Variants in C8orf88 observed in about 807,000 individuals in gnomAD.
C8orf88 encodes chromosome 8 open reading frame 88, also known as uncharacterized protein C8orf88.
Under a neutral mutation model 18.4 loss-of-function variants are expected in C8orf88, and 14 were observed. That is an observed-to-expected ratio of 0.76 (90% CI 0.50 to 1.19). The LOEUF (loss-of-function observed/expected upper bound fraction) is 1.19, where lower values mean the gene tolerates loss of function less well. Ranked by LOEUF, C8orf88 falls within the 50% of genes most tolerant of loss-of-function variation. The pLI, the probability that C8orf88 is intolerant of heterozygous loss-of-function variation, is 0.00. For missense variants in C8orf88, 116 were observed against 134.7 expected, an observed-to-expected ratio of 0.86 and a Z score of 0.69; for synonymous variants, 45 against 42.9, an observed-to-expected ratio of 1.05 and a Z score of -0.19.
At chr8:90,960,898 A>G in intron 4 of C8orf88, 50 bp from the exon 5 acceptor site, 3 of 1,093,070 alleles carry the variant, frequency 2.7e-6, no homozygotes, top group Non-Finnish European at 4.0e-6. Context: ...AGGGCTGTCT[A>G]GATCACTTTT....
At position 90,978,587 on chromosome 8, in the gene C8orf88, C is replaced by T; in HGVS notation, c.139G>A (p.Val47Ile). 6.6e-7 allele frequency: 1 copy of T among 1,524,460 alleles called. No individual in the cohort carries two copies. The highest frequency in any genetic ancestry group is 8.8e-7 in the Non-Finnish European group (1 of 1,140,038). The allele number at this position is 1,524,460 out of a possible 1,614,324, so 94.4% of individuals were successfully genotyped here. A position where few individuals can be genotyped will look rare whatever the true frequency, so the allele number is the denominator to read the frequency against. ...TAATTTCTAAGACTTACTCTGCTAA[C>T]TCCACTTTGTATGCACTGAGTGTTG... Reference protein sequence around the residue: ...PCNTQCIQSGVSRCKTNGMQA... With the variant: ...PCNTQCIQSGISRCKTNGMQA... Residue 47 changes from valine to isoleucine, a missense_variant, in exon 3 of 6, where the codon GTT becomes ATT. Coordinates refer to ENST00000517562, the MANE Select transcript of C8orf88 (RefSeq NM_001190972.2).
chr8:90,967,937 G>C (rs958848366), intron 4 of C8orf88, among the ~76,000 whole-genome samples: 2 of 151,810 alleles, frequency 1.3e-5, no homozygotes, highest in East Asian at 3.9e-4. Context: ...ACCTAAATGG[G>C]AAGATTTCTT....
chr8:90,979,293 G>A (rs1386386541), intron 2 of C8orf88, among the ~76,000 whole-genome samples: 1 of 152,156 alleles, frequency 6.6e-6, no homozygotes, highest in Non-Finnish European at 1.5e-5. Flanking sequence ...AGATGAAGGG[G>A]GGTGGGAGTT....
At chr8:90,966,853 A>G (rs865859241) in intron 4 of C8orf88, among the ~76,000 whole-genome samples, 4 of 151,930 alleles carry the variant, frequency 2.6e-5, no homozygotes, top group African/African-American at 9.7e-5. Context: ...TAGAAGTGGC[A>G]TCTTGCTGAT....
At chr8:90,974,842 T>A (rs1411189593) in intron 3 of C8orf88, among the ~76,000 whole-genome samples, 1 of 151,944 alleles carries the variant, frequency 6.6e-6, no homozygotes, top group African/African-American at 2.4e-5. Flanking sequence ...AGTAAAATTA[T>A]CATCATAATA....
intron 4 of C8orf88, among the ~76,000 whole-genome samples, chr8:90,964,548 C>A (rs2130303435): frequency 6.6e-6 from 1 of 151,644 alleles, no homozygotes; most frequent in East Asian, 1.9e-4. Context: ...GGATAGTACA[C>A]AACTAAAATC....
intron 1 of C8orf88, among the ~76,000 whole-genome samples, chr8:90,980,667 T>C (rs1201260761): frequency 1.3e-5 from 2 of 152,146 alleles, no homozygotes; most frequent in African/African-American, 4.8e-5. Context: ...TGAAACATTT[T>C]CTTTAACTTT....
chr8:90,983,498 T>C (rs938582213), intron 1 of C8orf88, among the ~76,000 whole-genome samples: 1 of 152,162 alleles, frequency 6.6e-6, no homozygotes, highest in African/African-American at 2.4e-5. Context: ...AGTATGAATC[T>C]TCAGGCCTTA....
At chr8:90,983,296 C>G (rs1184178205) in intron 1 of C8orf88, among the ~76,000 whole-genome samples, 1 of 151,930 alleles carries the variant, frequency 6.6e-6, no homozygotes, top group Non-Finnish European at 1.5e-5. Flanking sequence ...AAAAAACTTT[C>G]TATTAATACA....
In C8orf88 at chr8:90,960,811, G is replaced by C. The variant is rs558223118; in HGVS notation, c.261C>G (p.Leu87=). The part of the protein sequence containing the change: ...IKYSRDFLLK[L]SSVSICRKKP... ...TTTTTCTGCAGATGGAAACACTTGAGAGCTTCAACAGGAAATCTCTGCTGT... is the reference window on the plus strand; with the variant it reads ...TTTTTCTGCAGATGGAAACACTTGACAGCTTCAACAGGAAATCTCTGCTGT... The change falls in exon 5 of 6, where the codon CTC becomes CTG. Residue 87 remains leucine, a synonymous_variant. Coordinates refer to ENST00000517562, the MANE Select transcript of C8orf88 (RefSeq NM_001190972.2). 6.5e-7 allele frequency: 1 copy of C among 1,531,044 alleles called. No homozygotes were observed. Among genetic ancestry groups the C allele is most frequent in the East Asian group, 2.5e-5 (1 of 40,704 alleles). 94.8% of individuals were successfully genotyped at this position (1,531,044 alleles called of 1,614,324 possible). A position where few individuals can be genotyped will look rare whatever the true frequency, so the allele number is the denominator to read the frequency against.
At chr8:90,969,584 G>A (rs1811255426) in intron 4 of C8orf88, among the ~76,000 whole-genome samples, 1 of 151,814 alleles carries the variant, frequency 6.6e-6, no homozygotes, top group South Asian at 2.1e-4. Flanking sequence ...TGACCAAATA[G>A]CTAAATCCAA....
intron 1 of C8orf88, 112 bp from the exon 2 acceptor site, chr8:90,980,573 G>A: frequency 2.0e-6 from 1 of 503,310 alleles, no homozygotes; most frequent in South Asian, 3.4e-5. Context: ...AAGTTAAAGT[G>A]GAAAACACAA....
chr8:90,963,757 A>G (rs1359308048), intron 4 of C8orf88, among the ~76,000 whole-genome samples: 3 of 151,662 alleles, frequency 2.0e-5, no homozygotes, highest in African/African-American at 7.3e-5. Flanking sequence ...AATTAACATT[A>G]TTCAGTCTGA....
chr8:90,968,886 C>G (rs1386936654), intron 4 of C8orf88, among the ~76,000 whole-genome samples: 4 of 150,960 alleles, frequency 2.6e-5, no homozygotes, highest in Non-Finnish European at 3.0e-5. Context: ...AAAACAGTAT[C>G]ATAATCATAA....
At chr8:90,973,744 A>G (rs1811312827) in intron 3 of C8orf88, among the ~76,000 whole-genome samples, 1 of 152,120 alleles carries the variant, frequency 6.6e-6, no homozygotes, top group Non-Finnish European at 1.5e-5. Flanking sequence ...TCAGCCTTCC[A>G]AAGTGCTAGG....
intron 3 of C8orf88, among the ~76,000 whole-genome samples, chr8:90,974,262 T>G (rs574474174): frequency 6.6e-6 from 1 of 152,270 alleles, no homozygotes; most frequent in African/African-American, 2.4e-5. Flanking sequence ...TCCCAGATAT[T>G]AAGAGACTGG....
At chr8:90,968,200 G>C (rs1024999126) in intron 4 of C8orf88, among the ~76,000 whole-genome samples, 1 of 151,722 alleles carries the variant, frequency 6.6e-6, no homozygotes, top group African/African-American at 2.4e-5. Flanking sequence ...TCAAAAAAAT[G>C]TGGTACTGAC....
intron 5 of C8orf88, 100 bp downstream of exon 5, chr8:90,960,642 A>C: frequency 1.7e-6 from 1 of 593,082 alleles, no homozygotes; most frequent in African/African-American, 1.9e-5. Context: ...ATATCTTATA[A>C]TAAGGAAGGT....
intron 1 of C8orf88, among the ~76,000 whole-genome samples, chr8:90,981,412 T>G (rs1383715019): frequency 6.6e-6 from 1 of 152,222 alleles, no homozygotes; most frequent in Admixed American, 6.5e-5. Context: ...TCTGCTGCTC[T>G]TCTTCCAAAC....
Sources: allele counts gnomAD v4.1 joint callset (sites outside exome capture counted in the v4.1 genomes callset), GRCh38; gene constraint gnomAD v4.1.1; transcripts MANE v1.5; gene names NCBI Gene and HGNC (gene_info 2026-07-23, HGNC 2026-07-21).